Variants in CFAP61 observed in about 807,000 individuals in gnomAD.
CFAP61 encodes cilia- and flagella-associated protein 61.
A neutral mutation model predicts 135.6 loss-of-function variants in CFAP61; 107 were observed. That is an observed-to-expected ratio of 0.79 (90% confidence interval 0.67 to 0.93). The LOEUF (loss-of-function observed/expected upper bound fraction) is 0.93, where lower values mean the gene tolerates loss of function less well. Ranked by LOEUF, CFAP61 falls within the 40% of genes least tolerant of loss-of-function variation. The probability of loss-of-function intolerance (pLI) is 0.00; values close to 1 mark genes in which losing one functional copy is unlikely to be tolerated. For missense variants in CFAP61, 1,507 were observed against 1,556.2 expected (o/e 0.97, Z 0.53); for synonymous variants, 575 against 578.5 (o/e 0.99, Z 0.09).
At chr20:20,307,980 A>G (rs1354136835) in intron 25 of CFAP61, among the ~76,000 whole-genome samples, 1 of 152,230 alleles carries the variant, frequency 6.6e-6, no homozygotes, top group African/African-American at 2.4e-5. Context: ...TTTGAGTTGT[A>G]AAGTGTGTCT....
chr20:20,056,182 T>C (rs550192382), intron 1 of CFAP61: 6 of 587,938 alleles, frequency 1.0e-5, no homozygotes, highest in African/African-American at 5.7e-5. Context: ...TCTCAAAATA[T>C]GTCTCAAGAC....
In CFAP61 at chr20:20,334,357, C is replaced by T. The variant is rs555247579; in HGVS notation, c.3423-7474C>T. The stretch of plus-strand genomic sequence containing the variant: ...GGCCAGGCTGGTCTCGAACTCCTGA[C>T]CTCAAGTGATCCGCCTGCCTCGGCC... On this transcript the variant is annotated intron_variant, in intron 25 of 26. Coordinates refer to ENST00000245957, the MANE Select transcript of CFAP61 (RefSeq NM_015585.4). Among the ~76,000 whole-genome samples the T allele has an allele frequency of 3.9e-5, 6 of 152,280 alleles. No homozygotes were observed. The South Asian group carries it at 1.2e-3, about 32-fold the overall frequency.
At chr20:20,182,146 A>G (rs902485447) in intron 13 of CFAP61, among the ~76,000 whole-genome samples, 8 of 152,214 alleles carry the variant, frequency 5.3e-5, no homozygotes, top group Non-Finnish European at 8.8e-5. Flanking sequence ...TAAACCCTCA[A>G]TGAATACTCT....
chr20:20,073,772 C>T (rs1454689411), intron 3 of CFAP61: 1 of 152,200 alleles, frequency 6.6e-6, no homozygotes, highest in Non-Finnish European at 1.5e-5. Context: ...TTTTGGATCC[C>T]AAGAGTAATA....
At chr20:20,292,278 A>T (rs1408520339) in intron 24 of CFAP61, among the ~76,000 whole-genome samples, 3 of 152,254 alleles carry the variant, frequency 2.0e-5, no homozygotes, top group African/African-American at 7.2e-5. Context: ...CAGATAAATA[A>T]TGAAACCCAG....
At chr20:20,280,918 A>G (rs2054153504) in intron 22 of CFAP61, among the ~76,000 whole-genome samples, 1 of 152,086 alleles carries the variant, frequency 6.6e-6, no homozygotes, top group Non-Finnish European at 1.5e-5. Context: ...TGGGTGTGGC[A>G]TGGTGTGTCA....
In CFAP61 at chr20:20,216,795, ATT is replaced by A. The variant is rs11475264; in HGVS notation, c.1933-11443_1933-11442del. ...AAAACAGTGGAAATTTTCTATACCA[ATT>A]TTTTTTTTTTCATGGGATGGGATCT... On this transcript the variant is annotated intron_variant, in intron 17 of 26. Transcript: ENST00000245957. Among the ~76,000 whole-genome samples the A allele has an allele frequency of 2.3e-3, 343 of 149,328 alleles. 2 individuals carry two copies. The highest frequency in any genetic ancestry group is 3.5e-3 in the Non-Finnish European group (236 of 67,076).
chr20:20,266,023 G>A (rs1339791786), intron 21 of CFAP61, among the ~76,000 whole-genome samples: 1 of 152,182 alleles, frequency 6.6e-6, no homozygotes, highest in Non-Finnish European at 1.5e-5. Context: ...ACCACAGACA[G>A]AATTATACCC....
At chr20:20,143,023 C>T (rs956049344) in intron 9 of CFAP61, 75 bp downstream of exon 9, 38 of 854,298 alleles carry the variant, frequency 4.4e-5, no homozygotes, top group Non-Finnish European at 6.6e-5. Context: ...AGGGGCATCT[C>T]TGGTGCTGGC....
chr20:20,266,213 A>G (rs537674623), intron 21 of CFAP61, among the ~76,000 whole-genome samples: 30 of 152,310 alleles, frequency 2.0e-4, no homozygotes, highest in Non-Finnish European at 1.0e-4. Context: ...TGTGACCTCT[A>G]TTTCTTAACT....
At position 20,244,903 on chromosome 20, in the gene CFAP61, T is replaced by C. The variant is rs187568301; in HGVS notation, c.2061-1214T>C. On this transcript the variant is annotated intron_variant, in intron 18 of 26. Coordinates refer to ENST00000245957, the MANE Select transcript of CFAP61 (RefSeq NM_015585.4). ...TGCCAGATACCCTAAATTATCTCTC[T>C]CAAGTTCAAAGTTCCACAAATCTCT... Among the ~76,000 whole-genome samples, 139 of 152,344 alleles carry C rather than the reference T, an allele frequency of 9.1e-4. 1 individual carries two copies. The highest frequency in any genetic ancestry group is 3.4e-3 in the Middle Eastern group (1 of 294).
intron 24 of CFAP61, among the ~76,000 whole-genome samples, chr20:20,294,073 C>A (rs1804351521): frequency 6.6e-6 from 1 of 152,160 alleles, no homozygotes; most frequent in African/African-American, 2.4e-5. Flanking sequence ...AATTTAATAT[C>A]CAAATTTTTA....
chr20:20,305,841 C>T (rs1471032132), intron 25 of CFAP61, among the ~76,000 whole-genome samples: 1 of 152,214 alleles, frequency 6.6e-6, no homozygotes, highest in African/African-American at 2.4e-5. Flanking sequence ...GGGGATTCCT[C>T]ATTGACCATG....
chr20:20,264,548 C>T lies in CFAP61; in HGVS notation c.2503+1418C>T, dbSNP rs117879871. ...CCTTTTAGTCATTCTGTAGTAATCA[C>T]CCCATGATCTATGTAGACTCAGAGT... On this transcript the variant is annotated intron_variant, in intron 21 of 26. Transcript: ENST00000245957. 2.0e-3 allele frequency among the ~76,000 whole-genome samples: 303 copies of T among 152,280 alleles called. 2 individuals are homozygous for T. The highest frequency in any genetic ancestry group is 6.7e-3 in the East Asian group (35 of 5,188).
chr20:20,339,305 G>T (rs1400948697), intron 25 of CFAP61, among the ~76,000 whole-genome samples: 2 of 152,064 alleles, frequency 1.3e-5, no homozygotes, highest in Admixed American at 6.5e-5. Context: ...AGCTCATCAC[G>T]AATGCTGATA....
intron 13 of CFAP61, among the ~76,000 whole-genome samples, chr20:20,183,099 C>A (rs947995224): frequency 1.3e-5 from 2 of 151,404 alleles, no homozygotes; most frequent in Non-Finnish European, 2.9e-5. Context: ...TCAGAGTCTG[C>A]CAAAAAAAGG....
chr20:20,298,133 C>T (rs1252183230), intron 24 of CFAP61, 48 bp from the exon 25 acceptor site: 1 of 1,345,970 alleles, frequency 7.4e-7, no homozygotes, highest in East Asian at 2.3e-5. Context: ...TTCCCAAAAT[C>T]CAGGAATGTT....
intron 22 of CFAP61, among the ~76,000 whole-genome samples, chr20:20,280,451 T>C (rs2054118522): frequency 6.6e-6 from 1 of 152,148 alleles, no homozygotes; most frequent in Non-Finnish European, 1.5e-5. Context: ...ACAGCAGCCC[T>C]AGGAAACGAA....
At chr20:20,133,962 A>C (rs1452234641) in intron 8 of CFAP61, among the ~76,000 whole-genome samples, 4 of 152,106 alleles carry the variant, frequency 2.6e-5, no homozygotes, top group Non-Finnish European at 5.9e-5. Context: ...TTTATTATCA[A>C]CCTCTTGTCA....
Sources: gnomAD v4.1 joint callset for allele counts (sites outside exome capture counted in the v4.1 genomes callset) on GRCh38, gnomAD v4.1.1 for gene constraint, MANE v1.5 for transcripts, NCBI Gene and HGNC (gene_info 2026-07-23, HGNC 2026-07-21) for gene names.